Variants in RBM47 observed in about 807,000 individuals in gnomAD.
RBM47 encodes the protein RNA binding motif protein 47.
RBM47 carries 21 observed loss-of-function variants against 47.1 expected under a neutral mutation model. The observed-to-expected ratio is 0.45, with a 90% CI of 0.32 to 0.64. The LOEUF (loss-of-function observed/expected upper bound fraction) is 0.64. RBM47 is among the 30% of genes least tolerant of loss of function. RBM47 has a pLI of 0.05. For missense variants in RBM47, 708 were observed against 870.9 expected (o/e 0.81, Z 2.35); for synonymous variants, 375 against 361.7 (o/e 1.04, Z -0.42).
At chr4:40,486,683 G>T (rs1027023177) in intron 2 of RBM47, among the ~76,000 whole-genome samples, 2 of 152,222 alleles carry the variant, frequency 1.3e-5, no homozygotes, top group Non-Finnish European at 2.9e-5. Context: ...ATCTTTAGAG[G>T]AAATGGGGTG....
At chr4:40,615,711 G>A (rs1736659125) in intron 1 of RBM47, among the ~76,000 whole-genome samples, 1 of 151,976 alleles carries the variant, frequency 6.6e-6, no homozygotes, top group South Asian at 2.1e-4. Flanking sequence ...AACCTGGGAG[G>A]TGGAAGTTGC....
At chr4:40,512,560 C>T (rs1462145901) in intron 2 of RBM47, among the ~76,000 whole-genome samples, 2 of 149,484 alleles carry the variant, frequency 1.3e-5, no homozygotes, top group African/African-American at 4.9e-5. Flanking sequence ...TACAAAAATA[C>T]AAAAATTAGC....
chr4:40,580,608 C>T (rs779264780), intron 1 of RBM47, among the ~76,000 whole-genome samples: 2 of 152,224 alleles, frequency 1.3e-5, no homozygotes, highest in Non-Finnish European at 2.9e-5. Flanking sequence ...TTCACCAGCA[C>T]GCACTGGCAG....
chr4:40,437,073 CAAA>C lies in RBM47; in HGVS notation c.1124-429_1124-427del, dbSNP rs750922605. 3.2e-3 allele frequency among the ~76,000 whole-genome samples: 69 copies of C among 21,264 alleles called. 6 individuals carry two copies. Among genetic ancestry groups the C allele is most frequent in the East Asian group, 6.6e-3 (4 of 608 alleles). 14.0% of individuals were successfully genotyped at this position (21,264 alleles called of 152,430 possible). ...TGGGGAGCATGGTGAGACCCTGTCTCAAAAAAAAAAAAAAAAAATATATATATA... is the reference window on the plus strand; with the variant it reads ...TGGGGAGCATGGTGAGACCCTGTCTCAAAAAAAAAAAAAAATATATATATA... On this transcript the variant is annotated intron_variant, in intron 4 of 6. Coordinates refer to ENST00000295971, the MANE Select transcript of RBM47 (RefSeq NM_001098634.2).
At chr4:40,498,012 G>C (rs190783279) in intron 2 of RBM47, among the ~76,000 whole-genome samples, 12 of 139,072 alleles carry the variant, frequency 8.6e-5, no homozygotes, top group Admixed American at 7.4e-4. Flanking sequence ...CAAAACCAAA[G>C]TAAGCCTCCT....
intron 1 of RBM47, among the ~76,000 whole-genome samples, chr4:40,583,578 G>T (rs1013957227): frequency 6.6e-6 from 1 of 151,792 alleles, no homozygotes. Flanking sequence ...AGCAGAATGG[G>T]CCAGGCGCGG....
intron 2 of RBM47, among the ~76,000 whole-genome samples, chr4:40,536,941 C>T (rs180708397): frequency 1.3e-5 from 2 of 152,134 alleles, no homozygotes; most frequent in Admixed American, 1.3e-4. Context: ...GTTGGCCAGG[C>T]TGGTCTCAAA....
intron 1 of RBM47, among the ~76,000 whole-genome samples, chr4:40,627,933 A>C (rs552219591): frequency 6.9e-4 from 105 of 152,244 alleles, no homozygotes; most frequent in Non-Finnish European, 1.2e-3. Context: ...TCAATCCTAC[A>C]AACTTCTGTA....
intron 1 of RBM47, among the ~76,000 whole-genome samples, chr4:40,552,769 T>A (rs557082371): frequency 6.6e-6 from 1 of 152,338 alleles, no homozygotes; most frequent in South Asian, 2.1e-4. Context: ...GTGCTGGCTA[T>A]ACCACTGGCC....
rs942948052 is a variant in RBM47 at position 40,470,387 on chromosome 4, C to G, written c.-154-3688G>C. 2.0e-5 allele frequency among the ~76,000 whole-genome samples: 3 copies of G among 152,170 alleles called. No individual in the cohort carries two copies. In the East Asian group the frequency reaches 5.8e-4, roughly 29 times the overall value. ...GTTTTGGGGCATGTGAATCTCACAG[C>G]CGCTCATGACTCCGTCTTCAACACA... On this transcript the variant is annotated intron_variant, in intron 2 of 6. Coordinates refer to ENST00000295971, the MANE Select transcript of RBM47 (RefSeq NM_001098634.2).
chr4:40,482,530 A>C (rs554113595), intron 2 of RBM47, among the ~76,000 whole-genome samples: 1 of 152,188 alleles, frequency 6.6e-6, no homozygotes, highest in African/African-American at 2.4e-5. Flanking sequence ...CCGGGATTAC[A>C]GGTGTAAGCA....
intron 1 of RBM47, among the ~76,000 whole-genome samples, chr4:40,622,836 C>T (rs1400049441): frequency 6.6e-6 from 1 of 152,144 alleles, no homozygotes; most frequent in African/African-American, 2.4e-5. Context: ...GAGCTGAGAT[C>T]GTGCCACTGC....
intron 2 of RBM47, among the ~76,000 whole-genome samples, chr4:40,474,654 C>A (rs927624658): frequency 1.3e-5 from 2 of 152,164 alleles, no homozygotes; most frequent in Admixed American, 6.5e-5. Flanking sequence ...GGTGCCATCT[C>A]TCATTTGTCA....
chr4:40,494,443 T>C (rs1325861471), intron 2 of RBM47, among the ~76,000 whole-genome samples: 1 of 152,190 alleles, frequency 6.6e-6, no homozygotes, highest in South Asian at 2.1e-4. Flanking sequence ...CTCAGAGCAA[T>C]ATCTTGCTAA....
intron 3 of RBM47, among the ~76,000 whole-genome samples, chr4:40,444,696 ACT>A (rs1008890129): frequency 6.7e-6 from 1 of 149,374 alleles, no homozygotes; most frequent in African/African-American, 2.5e-5. Context: ...ATGGAGTCTC[ACT>A]CTGTCATCCA....
chr4:40,466,035 G>A (rs1717959717), intron 3 of RBM47, among the ~76,000 whole-genome samples: 1 of 152,142 alleles, frequency 6.6e-6, no homozygotes. Context: ...GGGAGGCTGA[G>A]GTGGGTGAAT....
At position 40,533,860 on chromosome 4, in the gene RBM47, G is replaced by A. The variant is rs556636630; in HGVS notation, c.-155+10562C>T. ...GATGGAGTTTTACTATTATTGCCCA[G>A]GCTGGAGTGCAATGGTGTGATCTCA... On this transcript the variant is annotated intron_variant, in intron 2 of 6. Transcript: ENST00000295971. Among the ~76,000 whole-genome samples, 23 of 151,412 alleles carry A rather than the reference G, an allele frequency of 1.5e-4. No homozygotes were observed. The South Asian group carries it at 4.8e-3, about 32-fold the overall frequency.
intron 3 of RBM47, among the ~76,000 whole-genome samples, chr4:40,464,972 T>C (rs1717788034): frequency 1.3e-5 from 2 of 151,072 alleles, no homozygotes; most frequent in African/African-American, 4.9e-5. Context: ...ATGTTAATTC[T>C]GGTTATATTT....
At chr4:40,475,058 A>G (rs149983464) in intron 2 of RBM47, among the ~76,000 whole-genome samples, 1,553 of 152,292 alleles carry the variant, frequency 0.01, 28 homozygotes, top group African/African-American at 0.036. Context: ...CTAAACAATT[A>G]TTTATAATGA....
Sources: gnomAD v4.1 joint callset for allele counts (sites outside exome capture counted in the v4.1 genomes callset) on GRCh38, gnomAD v4.1.1 for gene constraint, MANE v1.5 for transcripts, NCBI Gene and HGNC (gene_info 2026-07-23, HGNC 2026-07-21) for gene names.